Variants in RBFOX1 observed in about 807,000 individuals in gnomAD.
RBFOX1 encodes the protein RNA binding fox-1 homolog 1, also known as RNA binding protein fox-1 homolog 1.
In RBFOX1, 8 loss-of-function variants were observed where a neutral mutation model predicts 57.7. That is an observed-to-expected ratio of 0.14 (90% CI 0.08 to 0.25). The LOEUF (loss-of-function observed/expected upper bound fraction) is 0.25, where lower values mean the gene tolerates loss of function less well. RBFOX1 is among the 10% of genes least tolerant of loss of function. The pLI is 1.00. For missense variants in RBFOX1, 611 were observed against 548.5 expected, an observed-to-expected ratio of 1.11 and a Z score of -1.14; for synonymous variants, 326 against 222.4, an observed-to-expected ratio of 1.47 and a Z score of -4.15.
intron 2 of RBFOX1, among the ~76,000 whole-genome samples, chr16:6,572,902 ATACT>A (rs1470224794): frequency 6.6e-6 from 1 of 152,100 alleles, no homozygotes. Context: ...CCATCAATAA[ATACT>A]TACTAAGTGC....
chr16:6,684,197 G>GT (rs1179503940), intron 3 of RBFOX1, among the ~76,000 whole-genome samples: 3 of 152,188 alleles, frequency 2.0e-5, no homozygotes, highest in Non-Finnish European at 2.9e-5. Flanking sequence ...GTACGCAAAT[G>GT]TTTATTAGTT....
chr16:7,611,408 T>A lies in RBFOX1; in HGVS notation c.676+4070T>A, dbSNP rs1309534155. ...CCTGGCCAACATGGTGAAATCCTGT[T>A]TCTACTAAAAATACAAAAGATCTAG... On this transcript the variant is annotated intron_variant, in intron 10 of 15. Coordinates refer to ENST00000550418, the MANE Select transcript of RBFOX1 (RefSeq NM_018723.4). 2.0e-5 allele frequency among the ~76,000 whole-genome samples: 3 copies of A among 152,114 alleles called. No individual in the cohort carries two copies. In the East Asian group the frequency reaches 5.8e-4, roughly 29 times the overall value.
At chr16:7,063,873 TA>T (rs1381716305) in intron 4 of RBFOX1, among the ~76,000 whole-genome samples, 1 of 152,230 alleles carries the variant, frequency 6.6e-6, no homozygotes, top group Non-Finnish European at 1.5e-5. Context: ...GCATAGGTTA[TA>T]TGCAAATATC....
At chr16:6,499,816 C>T (rs373340300) in intron 2 of RBFOX1, among the ~76,000 whole-genome samples, 10 of 152,012 alleles carry the variant, frequency 6.6e-5, no homozygotes, top group East Asian at 1.9e-4. Flanking sequence ...AGGGCATTCG[C>T]GGGTAATCGA....
At chr16:6,460,214 C>T (rs1051310237) in intron 2 of RBFOX1, among the ~76,000 whole-genome samples, 6 of 151,916 alleles carry the variant, frequency 3.9e-5, no homozygotes, top group East Asian at 1.9e-4. Context: ...CATTGGTTCT[C>T]TCTCCTTGGC....
chr16:5,968,764 G>C (rs893028519), intron 4 of RBFOX1, among the ~76,000 whole-genome samples: 1 of 152,026 alleles, frequency 6.6e-6, no homozygotes, highest in South Asian at 2.1e-4. Context: ...TTTTGGGAAA[G>C]TCTCTTTGAA....
At chr16:7,256,662 A>G (rs138525679) in intron 4 of RBFOX1, among the ~76,000 whole-genome samples, 160 of 152,318 alleles carry the variant, frequency 1.1e-3, no homozygotes, top group Non-Finnish European at 1.6e-3. Context: ...GTAACTAAGA[A>G]TCCATTTCCA....
At chr16:7,579,247 T>G (rs2093568898) in intron 5 of RBFOX1, among the ~76,000 whole-genome samples, 1 of 152,206 alleles carries the variant, frequency 6.6e-6, no homozygotes, top group Non-Finnish European at 1.5e-5. Flanking sequence ...GAATGCCAAC[T>G]AGTCTTTTCA....
intron 1 of RBFOX1, among the ~76,000 whole-genome samples, chr16:6,083,517 C>T (rs1053194014): frequency 6.6e-6 from 1 of 152,128 alleles, no homozygotes; most frequent in African/African-American, 2.4e-5. Flanking sequence ...TGCTTTCTTG[C>T]CCAGGCTGGA....
chr16:6,775,484 G>T (rs1017265398), intron 3 of RBFOX1, among the ~76,000 whole-genome samples: 1 of 151,704 alleles, frequency 6.6e-6, no homozygotes, highest in Middle Eastern at 3.2e-3. Context: ...TAGGTGATAA[G>T]ATTAAAAATG....
At chr16:5,732,761 T>C (rs1168478132) in intron 3 of RBFOX1, among the ~76,000 whole-genome samples, 1 of 152,150 alleles carries the variant, frequency 6.6e-6, no homozygotes, top group South Asian at 2.1e-4. Context: ...TTCTCCCAGG[T>C]CCTAGGGGAG....
At chr16:5,796,836 G>T (rs1188138078) in intron 3 of RBFOX1, among the ~76,000 whole-genome samples, 1 of 152,084 alleles carries the variant, frequency 6.6e-6, no homozygotes, top group African/African-American at 2.4e-5. Context: ...TTGTTTCCAG[G>T]TTAACCTCTA....
chr16:6,887,604 T>C (rs1436227602), intron 3 of RBFOX1, among the ~76,000 whole-genome samples: 1 of 152,116 alleles, frequency 6.6e-6, no homozygotes, highest in Non-Finnish European at 1.5e-5. Flanking sequence ...CATAGAGGTC[T>C]TCAGGAAGTT....
intron 2 of RBFOX1, among the ~76,000 whole-genome samples, chr16:5,569,841 C>G (rs896697192): frequency 1.8e-4 from 27 of 152,116 alleles, no homozygotes; most frequent in African/African-American, 6.5e-4. Context: ...TGGTCTTCCT[C>G]TTTGGATAGT....
chr16:7,604,575 A>T (rs1441582624), intron 9 of RBFOX1, among the ~76,000 whole-genome samples: 1 of 152,202 alleles, frequency 6.6e-6, no homozygotes, highest in Non-Finnish European at 1.5e-5. Context: ...ATGGGGAAAT[A>T]AACAGCAGAT....
Position 6,477,050 on chromosome 16 carries a change from G to T in RBFOX1, c.-64+159993G>T, listed in dbSNP as rs536109605. ...GTAGTTGCCTCTTCAGGCTCCACTT[G>T]TAATTCTAGTTCTTTAGCTATTTCC... On this transcript the variant is annotated intron_variant, in intron 2 of 15. Transcript: ENST00000550418. 7.2e-5 allele frequency among the ~76,000 whole-genome samples: 11 copies of T among 152,220 alleles called. No individual in the cohort carries two copies. In the South Asian group the frequency reaches 2.3e-3, roughly 32 times the overall value.
At chr16:6,921,011 A>T (rs2074334956) in intron 3 of RBFOX1, among the ~76,000 whole-genome samples, 1 of 152,174 alleles carries the variant, frequency 6.6e-6, no homozygotes, top group African/African-American at 2.4e-5. Flanking sequence ...TTTGACTGGA[A>T]CACAGTATCT....
At chr16:7,359,092 G>A (rs1013247222) in intron 4 of RBFOX1, among the ~76,000 whole-genome samples, 1 of 152,156 alleles carries the variant, frequency 6.6e-6, no homozygotes, top group Non-Finnish European at 1.5e-5. Flanking sequence ...ATCTAAGGAG[G>A]TACAGAAAAC....
At chr16:6,439,589 A>G (rs2094323629) in intron 2 of RBFOX1, among the ~76,000 whole-genome samples, 1 of 152,166 alleles carries the variant, frequency 6.6e-6, no homozygotes. Context: ...GTTCAGTGCA[A>G]TATACCCTTC....
Sources: gnomAD v4.1 joint callset for allele counts (sites outside exome capture counted in the v4.1 genomes callset) on GRCh38, gnomAD v4.1.1 for gene constraint, MANE v1.5 for transcripts, NCBI Gene and HGNC (gene_info 2026-07-23, HGNC 2026-07-21) for gene names.